The following CPA3 variants were observed in gnomAD, a reference collection of about 807,000 sequenced individuals.
CPA3 encodes the protein mast cell carboxypeptidase A.
In CPA3, 52 loss-of-function variants were observed where a neutral mutation model predicts 55.8. That is an observed-to-expected ratio of 0.93 (90% CI 0.75 to 1.17). CPA3 has a LOEUF of 1.17. CPA3 is among the 50% of genes most tolerant of loss of function. The probability of loss-of-function intolerance (pLI) is 0.00; values close to 1 mark genes in which losing one functional copy is unlikely to be tolerated. For missense variants in CPA3, 547 were observed against 509.1 expected (o/e 1.07, Z -0.72); for synonymous variants, 179 against 171.2 (o/e 1.05, Z -0.36).
intron 10 of CPA3, among the ~76,000 whole-genome samples, chr3:148,888,079 C>A (rs1714581026): frequency 6.6e-6 from 1 of 152,204 alleles, no homozygotes; most frequent in Admixed American, 6.5e-5. Flanking sequence ...CTTTTAGAAT[C>A]TGTGCATTAA....
intron 6 of CPA3, among the ~76,000 whole-genome samples, chr3:148,880,107 T>C (rs916569713): frequency 2.6e-5 from 4 of 152,214 alleles, no homozygotes; most frequent in Non-Finnish European, 5.9e-5. Flanking sequence ...GCTAAGAGTT[T>C]ATGAAACTCA....
At chr3:148,884,029 G>A (rs941337319) in intron 9 of CPA3, among the ~76,000 whole-genome samples, 19 of 151,736 alleles carry the variant, frequency 1.3e-4, no homozygotes, top group Admixed American at 2.0e-4. Flanking sequence ...TGATTCTCAG[G>A]AGGAAAAAAA....
intron 10 of CPA3, among the ~76,000 whole-genome samples, chr3:148,894,489 G>A (rs7627107): frequency 0.042 from 6,402 of 150,688 alleles, 488 homozygotes; most frequent in African/African-American, 0.15. Flanking sequence ...AAGAAATAAT[G>A]GCATGTTTAA....
chr3:148,882,664 C>T (rs1219519618), intron 8 of CPA3, 69 bp downstream of exon 8: 30 of 1,186,336 alleles, frequency 2.5e-5, no homozygotes, highest in Non-Finnish European at 3.6e-5. Context: ...TTAACTAAAA[C>T]ACCTACTTGT....
chr3:148,889,921 A>C lies in CPA3; in HGVS notation c.1066+3744A>C, dbSNP rs138952821. Reference sequence around the variant, plus strand: ...AGGAAGCTTTTAAAATACATGAATGATTATACCCCCAGCCCCCAGAGATTC... The same window carrying C: ...AGGAAGCTTTTAAAATACATGAATGCTTATACCCCCAGCCCCCAGAGATTC... On this transcript the variant is annotated intron_variant, in intron 10 of 10. Coordinates refer to ENST00000296046, the MANE Select transcript of CPA3 (RefSeq NM_001870.4). 2.0e-5 allele frequency among the ~76,000 whole-genome samples: 3 copies of C among 150,590 alleles called. No individual in the cohort carries two copies. The East Asian group carries it at 5.9e-4, about 29-fold the overall frequency.
At chr3:148,892,975 A>G (rs1382183098) in intron 10 of CPA3, among the ~76,000 whole-genome samples, 2 of 152,072 alleles carry the variant, frequency 1.3e-5, no homozygotes, top group African/African-American at 2.4e-5. Flanking sequence ...AAAAAATACT[A>G]TATTGTCATC....
At position 148,896,524 on chromosome 3, in the gene CPA3, G is replaced by C; in HGVS notation, c.1071G>C (p.Pro357=). Residue 357 remains proline, a synonymous_variant, in exon 11 of 11, where the codon CCG becomes CCC. Coordinates refer to ENST00000296046, the MANE Select transcript of CPA3 (RefSeq NM_001870.4). ...TTTACTGCTTGTGTTTTACAGACCC[G>C]ATATCAGGTTCTTCTTTAGACTGGG... ...IYGPIESTIY[P]ISGSSLDWAY... is the part of the protein sequence containing the mutation. The C allele has an allele frequency of 6.6e-7, 1 of 1,506,452 alleles. No homozygotes were observed. The allele number at this position is 1,506,452 out of a possible 1,614,324, so 93.3% of individuals were successfully genotyped here.
intron 2 of CPA3, among the ~76,000 whole-genome samples, chr3:148,867,528 C>T (rs367631587): frequency 6.5e-4 from 99 of 152,346 alleles, no homozygotes; most frequent in Non-Finnish European, 1.1e-3. Flanking sequence ...AAGCTCTAAG[C>T]TCCTGCTGCA....
chr3:148,868,454 G>T (rs1713966247), intron 2 of CPA3, among the ~76,000 whole-genome samples: 1 of 152,000 alleles, frequency 6.6e-6, no homozygotes, highest in Admixed American at 6.6e-5. Flanking sequence ...GACTTTGCTG[G>T]GGGTCTATGC....
In CPA3 at chr3:148,868,817, C is replaced by A. The variant is rs1271582342; in HGVS notation, c.145-98C>A. 6 of 1,383,246 alleles carry A rather than the reference C, an allele frequency of 4.3e-6. No individual in the cohort carries two copies. The East Asian group carries it at 1.4e-4, about 33-fold the overall frequency. The allele number at this position is 1,383,246 out of a possible 1,614,324, so 85.7% of individuals were successfully genotyped here. ...TCTGTATCTTAGTTATGCTGAGCCC[C>A]AAATTCCTTTCATGGTGTATGAGAC... is the stretch of plus-strand genomic sequence containing the variant. On this transcript the variant is annotated intron_variant, in intron 2 of 10. Transcript: ENST00000296046.
At chr3:148,892,851 G>A (rs572357995) in intron 10 of CPA3, among the ~76,000 whole-genome samples, 2 of 37,626 alleles carry the variant, frequency 5.3e-5, no homozygotes, top group African/African-American at 6.7e-5. Flanking sequence ...GGTGGCAGGC[G>A]CCTGTAGAGA....
Position 148,896,828 on chromosome 3 carries a change from T to G in CPA3, c.*121T>G. 1 of 820,232 alleles carries G rather than the reference T, an allele frequency of 1.2e-6. No individual in the cohort carries two copies. Among genetic ancestry groups the G allele is most frequent in the Non-Finnish European group, 1.8e-6 (1 of 555,730 alleles). 50.8% of individuals were successfully genotyped at this position (820,232 alleles called of 1,614,324 possible). Reference sequence around the variant, plus strand: ...TCACCTGAATCCTTCTCTTGCTCATTTAAGTCCCATGTTACTGCTGTTTGC... The same window carrying G: ...TCACCTGAATCCTTCTCTTGCTCATGTAAGTCCCATGTTACTGCTGTTTGC... On this transcript the variant is annotated 3_prime_UTR_variant, in exon 11 of 11. Transcript: ENST00000296046.
At position 148,876,292 on chromosome 3, in the gene CPA3, A is replaced by C. The variant is rs142433427; in HGVS notation, c.270-2149A>C. Among the ~76,000 whole-genome samples the C allele has an allele frequency of 9.1e-4, 138 of 151,894 alleles. 1 individual carries two copies. Among genetic ancestry groups the C allele is most frequent in the African/African-American group, 3.1e-3 (130 of 41,496 alleles). ...ATTATGTTATGATCCATTATTAATA[A>C]AATTCTTATATTTATTTATAATTTA... On this transcript the variant is annotated intron_variant, in intron 3 of 10. Coordinates refer to ENST00000296046, the MANE Select transcript of CPA3 (RefSeq NM_001870.4).
Position 148,886,087 on chromosome 3 carries a change from C to T in CPA3, c.982-6C>T, listed in dbSNP as rs1262422661. The T allele has an allele frequency of 1.9e-6, 3 of 1,608,766 alleles. No homozygotes were observed. Among genetic ancestry groups the T allele is most frequent in the African/African-American group, 2.7e-5 (2 of 74,862 alleles). On this transcript the variant is annotated splice_region_variant and splice_polypyrimidine_tract_variant and intron_variant, in intron 9 of 10. Transcript: ENST00000296046. ...TTATTTCACTCTAACTTTCCTTTCT[C>T]TCCAGGCCAAAGTTGCAAAGATTGG...
chr3:148,869,105 A>G (rs767797223), intron 3 of CPA3, 66 bp downstream of exon 3: 207 of 1,570,250 alleles, frequency 1.3e-4, no homozygotes, highest in Non-Finnish European at 1.7e-4. Flanking sequence ...GAAGTAGAGG[A>G]AAGTATTACA....
At chr3:148,896,385 C>T in intron 10 of CPA3, 135 bp from the exon 11 acceptor site, 1 of 642,806 alleles carries the variant, frequency 1.6e-6, no homozygotes, top group South Asian at 3.1e-5. Flanking sequence ...CTATTCAGAC[C>T]ACTACTCTCA....
chr3:148,878,558 G>C lies in CPA3; in HGVS notation c.372+15G>C, dbSNP rs576567278. Reference sequence around the variant, plus strand: ...ATTGGGAAAAGGTACAGTAAAAAATGCCTGTACTTTTTTTTAAGTTACCCT... The same window carrying C: ...ATTGGGAAAAGGTACAGTAAAAAATCCCTGTACTTTTTTTTAAGTTACCCT... On this transcript the variant is annotated intron_variant, in intron 4 of 10. Transcript: ENST00000296046. 2.5e-4 allele frequency: 393 copies of C among 1,585,718 alleles called. 1 individual carries two copies. Among genetic ancestry groups the C allele is most frequent in the Admixed American group, 7.7e-4 (45 of 58,504 alleles).
chr3:148,879,998 C>CCATTCA, intron 6 of CPA3, 109 bp downstream of exon 6: 1 of 696,540 alleles, frequency 1.4e-6, no homozygotes, highest in Non-Finnish European at 2.5e-6. Flanking sequence ...TAGAAGAGCC[C>CCATTCA]ATACTTGGTG....
chr3:148,889,283 T>C (rs1285127645), intron 10 of CPA3, among the ~76,000 whole-genome samples: 1 of 152,100 alleles, frequency 6.6e-6, no homozygotes, highest in East Asian at 1.9e-4. Context: ...GTTTAGTCAT[T>C]CCAATAACCT....
Sources: gnomAD v4.1 joint callset for allele counts (sites outside exome capture counted in the v4.1 genomes callset) on GRCh38, gnomAD v4.1.1 for gene constraint, MANE v1.5 for transcripts, NCBI Gene and HGNC (gene_info 2026-07-23, HGNC 2026-07-21) for gene names.